KDM1B: variants seen among roughly 807,000 people sequenced by gnomAD.
The protein encoded by KDM1B is lysine-specific histone demethylase 2.
Under a neutral mutation model 107.4 loss-of-function variants are expected in KDM1B, and 63 were observed. The ratio of observed to expected loss-of-function variants is 0.59; its 90% CI spans 0.48 to 0.72. The LOEUF is 0.72. Among genes scored for constraint, KDM1B ranks in the 30% least tolerant of loss-of-function variants. The pLI, the probability that KDM1B is intolerant of heterozygous loss-of-function variation, is 0.00. For missense variants in KDM1B, 749 were observed against 1,020.8 expected, an observed-to-expected ratio of 0.73 and a Z score of 3.63; for synonymous variants, 363 against 363.9, an observed-to-expected ratio of 1.00 and a Z score of 0.03.
intron 2 of KDM1B, among the ~76,000 whole-genome samples, chr6:18,157,808 C>CTTTTTTTTTTT (rs67631382): frequency 8.6e-6 from 1 of 115,632 alleles, no homozygotes. Context: ...GTAGATAGTC[C>CTTTTTTTTTTT]TTTTTTTTTT....
chr6:18,159,840 T>C lies in KDM1B; in HGVS notation c.-13-43T>C, dbSNP rs1290649780. On this transcript the variant is annotated intron_variant, in intron 2 of 21. Transcript: ENST00000650836. The surrounding 1 kb of genome is among the most constrained non-coding windows in gnomAD (Gnocchi z 4.5). Reference sequence around the variant, plus strand: ...AACTTGCTCCAGACTGTTAAAAATATTTGCAGATGCTAATATTTAATGGTC... The same window carrying C: ...AACTTGCTCCAGACTGTTAAAAATACTTGCAGATGCTAATATTTAATGGTC... 9.8e-7 allele frequency: 1 copy of C among 1,020,324 alleles called. No individual in the cohort carries two copies. Among genetic ancestry groups the C allele is most frequent in the African/African-American group, 1.6e-5 (1 of 63,294 alleles). The allele number at this position is 1,020,324 out of a possible 1,614,324, so 63.2% of individuals were successfully genotyped here.
rs1473636125 is a variant in KDM1B, at chr6:18,179,849, CCTTTTTTTTTTT to C, written c.535-5922_535-5911del. The stretch of plus-strand genomic sequence containing the variant: ...TTTCAATTTAGCATTGGTTTTTTTT[CCTTTTTTTTTTT>C]TTTTTTTTTTTTTTTTTCATAAGGC... On this transcript the variant is annotated intron_variant, in intron 7 of 21. Transcript: ENST00000650836. Among the ~76,000 whole-genome samples, 499 of 96,286 alleles carry C rather than the reference CCTTTTTTTTTTT, an allele frequency of 5.2e-3. 51 individuals are homozygous for C. Among genetic ancestry groups the C allele is most frequent in the Admixed American group, 7.2e-3 (52 of 7,192 alleles). The allele number at this position is 96,286 out of a possible 152,430, so 63.2% of individuals were successfully genotyped here.
intron 21 of KDM1B, 148 bp downstream of exon 21, chr6:18,218,033 T>G: frequency 1.3e-6 from 1 of 793,778 alleles, no homozygotes; most frequent in Non-Finnish European, 2.0e-6. Context: ...ACCATCCTCT[T>G]GCTCCCAGAG....
intron 9 of KDM1B, among the ~76,000 whole-genome samples, chr6:18,190,573 G>A (rs1446334005): frequency 6.6e-6 from 1 of 151,644 alleles, no homozygotes; most frequent in African/African-American, 2.4e-5. Flanking sequence ...CTGAACTCCA[G>A]CCAGGGCGAC....
intron 10 of KDM1B, among the ~76,000 whole-genome samples, chr6:18,193,279 A>C: frequency 6.8e-6 from 1 of 147,106 alleles, no homozygotes; most frequent in Non-Finnish European, 1.5e-5. Context: ...AGAATCAAAG[A>C]CTTTGAAATG....
intron 21 of KDM1B, among the ~76,000 whole-genome samples, chr6:18,219,080 T>G (rs1789468713): frequency 6.6e-6 from 1 of 151,960 alleles, no homozygotes; most frequent in Non-Finnish European, 1.5e-5. Context: ...TTTTTTGTAT[T>G]TTTAGTAGAG....
intron 2 of KDM1B, among the ~76,000 whole-genome samples, chr6:18,158,976 T>A (rs1784802975): frequency 6.6e-6 from 1 of 152,228 alleles, no homozygotes; most frequent in Admixed American, 6.5e-5. Context: ...AGTTTTCTTT[T>A]ATTTTTTTTG....
Position 18,223,085 on chromosome 6 carries a change from A to C in KDM1B, c.*1093A>C, listed in dbSNP as rs898074928. 1.3e-5 allele frequency: 2 copies of C among 152,562 alleles called. No homozygotes were observed. The highest frequency in any genetic ancestry group is 2.9e-5 in the Non-Finnish European group (2 of 68,010). The allele number at this position is 152,562 out of a possible 1,614,324, so 9.5% of individuals were successfully genotyped here. A position where few individuals can be genotyped will look rare whatever the true frequency, so the allele number is the denominator to read the frequency against. On this transcript the variant is annotated 3_prime_UTR_variant, in exon 22 of 22. Coordinates refer to ENST00000650836, the MANE Select transcript of KDM1B (RefSeq NM_001364614.2). Reference sequence around the variant, plus strand: ...TTAATAATATCTCATTCTAAAATAAAACACTGGTTGCAGGGTCTTCAGGAT... The same window carrying C: ...TTAATAATATCTCATTCTAAAATAACACACTGGTTGCAGGGTCTTCAGGAT...
At chr6:18,161,558 T>C (rs1784973668) in intron 4 of KDM1B, 104 bp downstream of exon 4, 1 of 1,227,708 alleles carries the variant, frequency 8.1e-7, no homozygotes, top group African/African-American at 1.5e-5. Flanking sequence ...ATACAGATAC[T>C]ATAAGTCATC....
intron 6 of KDM1B, among the ~76,000 whole-genome samples, chr6:18,168,259 C>A (rs1292938764): frequency 6.6e-6 from 1 of 152,164 alleles, no homozygotes. Context: ...ACAAGGGAAG[C>A]CCTAATTCTT....
intron 12 of KDM1B, among the ~76,000 whole-genome samples, chr6:18,199,253 T>C (rs992599120): frequency 6.6e-6 from 1 of 152,024 alleles, no homozygotes; most frequent in African/African-American, 2.4e-5. Flanking sequence ...AACTACAAGG[T>C]GCAGCCTTCC....
chr6:18,163,146 CTTT>C (rs35989887), intron 5 of KDM1B, among the ~76,000 whole-genome samples: 19 of 139,606 alleles, frequency 1.4e-4, no homozygotes, highest in Non-Finnish European at 2.0e-4. Context: ...TCTGCCATTT[CTTT>C]TTTTTTTTTT....
At chr6:18,193,977 G>A (rs1787471629) in intron 10 of KDM1B, among the ~76,000 whole-genome samples, 1 of 151,934 alleles carries the variant, frequency 6.6e-6, no homozygotes, top group Admixed American at 6.6e-5. Context: ...GGGTTCAAGC[G>A]ATTCTCCTGC....
Position 18,201,620 on chromosome 6 carries a change from A to G in KDM1B, c.1494A>G (p.Arg498=). The change falls in exon 14 of 22, where the codon AGA becomes AGG. Residue 498 remains arginine (R), a synonymous_variant. Coordinates refer to ENST00000650836, the MANE Select transcript of KDM1B (RefSeq NM_001364614.2). The surrounding 1 kb of genome is among the most constrained non-coding windows in gnomAD (Gnocchi z 4.3). ...NALLDVVSEW[R]KDKTQLQDVP... is the part of the protein sequence containing the mutation. Reference sequence around the variant, plus strand: ...TCTTGGATGTTGTCTCTGAGTGGAGAAAGGATAAGACTCAGCTCCAAGATG... The same window carrying G: ...TCTTGGATGTTGTCTCTGAGTGGAGGAAGGATAAGACTCAGCTCCAAGATG... 1 of 1,550,890 alleles carries G rather than the reference A, an allele frequency of 6.4e-7. No individual in the cohort carries two copies. Among genetic ancestry groups the G allele is most frequent in the Middle Eastern group, 1.7e-4 (1 of 5,998 alleles).
chr6:18,209,479 C>T lies in KDM1B; in HGVS notation c.1866+1273C>T, dbSNP rs548689143. On this transcript the variant is annotated intron_variant, in intron 17 of 21. Transcript: ENST00000650836. This position sits in a 1 kb window ranked among gnomAD's most constrained non-coding sequence, Gnocchi z 4.3. Reference sequence around the variant, plus strand: ...GCAGGGGATCCTAACATTATTCCTGCCATTAACCAACTCGGAGATCTTGGG... The same window carrying T: ...GCAGGGGATCCTAACATTATTCCTGTCATTAACCAACTCGGAGATCTTGGG... 3.0e-4 allele frequency among the ~76,000 whole-genome samples: 45 copies of T among 152,288 alleles called. No homozygotes were observed. Among genetic ancestry groups the T allele is most frequent in the Non-Finnish European group, 5.6e-4 (38 of 68,024 alleles).
At chr6:18,216,346 G>A (rs1397212117) in intron 20 of KDM1B, among the ~76,000 whole-genome samples, 3 of 152,204 alleles carry the variant, frequency 2.0e-5, no homozygotes, top group African/African-American at 7.2e-5. Context: ...CTCCTAAAGT[G>A]CTGGGATTAC....
At chr6:18,185,517 G>T (rs1786799047) in intron 7 of KDM1B, among the ~76,000 whole-genome samples, 1 of 152,012 alleles carries the variant, frequency 6.6e-6, no homozygotes, top group African/African-American at 2.4e-5. Flanking sequence ...GGCCAGGCTG[G>T]TCTCAAACTC....
intron 6 of KDM1B, among the ~76,000 whole-genome samples, chr6:18,168,458 T>C (rs1299818360): frequency 2.6e-5 from 4 of 152,206 alleles, no homozygotes; most frequent in Non-Finnish European, 5.9e-5. Context: ...TTTTTATGGG[T>C]GAATAATACT....
rs1789861176 is a variant in KDM1B at position 18,222,771 on chromosome 6, C to CT, written c.*782dup. ...AAAGCCAAATTTGGGTGATAGGACA[C>CT]TTTAAATATCCTTAATTTTGGCAAC... On this transcript the variant is annotated 3_prime_UTR_variant, in exon 22 of 22. Transcript: ENST00000650836. 1 of 152,524 alleles carries CT rather than the reference C, an allele frequency of 6.6e-6. No individual in the cohort carries two copies. Among genetic ancestry groups the CT allele is most frequent in the African/African-American group, 2.4e-5 (1 of 41,382 alleles). 9.4% of individuals were successfully genotyped at this position (152,524 alleles called of 1,614,324 possible). A position where few individuals can be genotyped will look rare whatever the true frequency, so the allele number is the denominator to read the frequency against.
Sources: allele counts gnomAD v4.1 joint callset (sites outside exome capture counted in the v4.1 genomes callset), GRCh38; gene constraint gnomAD v4.1.1; non-coding constraint Gnocchi (gnomAD v3.1); transcripts MANE v1.5; gene names NCBI Gene and HGNC (gene_info 2026-07-23, HGNC 2026-07-21).